Variants in APMAP observed in about 807,000 individuals in gnomAD.
APMAP encodes adipocyte plasma membrane associated protein, also known as adipocyte plasma membrane-associated protein.
Under a neutral mutation model 43.6 loss-of-function variants are expected in APMAP, and 33 were observed. The observed-to-expected ratio is 0.76, with a 90% CI of 0.57 to 1.01. APMAP has a LOEUF of 1.01. Among genes scored for constraint, APMAP ranks in the 50% least tolerant of loss-of-function variants. The pLI, the probability that APMAP is intolerant of heterozygous loss-of-function variation, is 0.00. For synonymous variants in APMAP, 224 were observed against 216.7 expected (o/e 1.03, Z -0.30); for missense variants, 498 against 540.7 (o/e 0.92, Z 0.78).
chr20:24,969,551 C>G lies in APMAP; in HGVS notation c.823G>C (p.Glu275Gln), dbSNP rs1404006232. The G allele has an allele frequency of 1.2e-6, 2 of 1,613,556 alleles. No individual in the cohort carries two copies. The highest frequency in any genetic ancestry group is 1.7e-6 in the Non-Finnish European group (2 of 1,179,556). Residue 275 changes from glutamate to glutamine, a missense_variant, in exon 7 of 9, where the codon GAA (glutamate) becomes CAA (glutamine). Physicochemically the swap from Glu to Gln is conservative, Grantham distance 29. Coordinates refer to ENST00000217456, the MANE Select transcript of APMAP (RefSeq NM_020531.3). ...CTTCGTATCCTGGCCATGGTTGTTT[C>G]TGCCACCAGGACAAAGTCTTCTGCA... ...SPAEDFVLVA[E>Q]TTMARIRRVY...
rs1422892897 is a variant in APMAP at position 24,984,037 on chromosome 20, T to C, written c.96-18A>G. The C allele has an allele frequency of 3.1e-6, 5 of 1,587,832 alleles. No homozygotes were observed. Among genetic ancestry groups the C allele is most frequent in the Non-Finnish European group, 4.3e-6 (5 of 1,156,914 alleles). On this transcript the variant is annotated intron_variant, in intron 1 of 8. Transcript: ENST00000217456. ...TAAAGGAGCTGCCAGAAATAAAAGA[T>C]ACAAAGGCAATCAGCTGAGTCTCAG...
At chr20:24,978,251 C>G (rs1292408730) in intron 3 of APMAP, among the ~76,000 whole-genome samples, 1 of 152,186 alleles carries the variant, frequency 6.6e-6, no homozygotes, top group East Asian at 1.9e-4. Flanking sequence ...TAGAACCAGA[C>G]CCAATTCTAG....
At position 24,964,061 on chromosome 20, in the gene APMAP, G is replaced by T. The variant is rs2087922000; in HGVS notation, c.1042-39C>A. 5 of 1,599,690 alleles carry T rather than the reference G, an allele frequency of 3.1e-6. 1 individual carries two copies. The East Asian group carries it at 1.1e-4, about 36-fold the overall frequency. On this transcript the variant is annotated intron_variant, in intron 8 of 8. Transcript: ENST00000217456. ...CAGTGCAGGGAAAGTTCACCAGCTG[G>T]CCAAGAACACTGTGCGCAGATCAAC...
rs774016612 is a variant in APMAP at position 24,969,008 on chromosome 20, G to A, written c.925C>T (p.Arg309Trp). 1.7e-5 allele frequency: 27 copies of A among 1,613,742 alleles called. No individual in the cohort carries two copies. The highest frequency in any genetic ancestry group is 2.0e-5 in the Non-Finnish European group (24 of 1,179,912). The stretch of plus-strand genomic sequence containing the variant: ...CAGTACCCCCCAGAGCTGCTGGGCC[G>A]GATGTTGTCTGGAAATCCAGGCATG... ...ENMPGFPDNI[R>W]PSSSGGYWVG... The change falls in exon 8 of 9, where the codon CGG becomes TGG. Residue 309 changes from arginine to tryptophan, a missense_variant. Physicochemically the swap from Arg to Trp is moderately radical, Grantham distance 101. Transcript: ENST00000217456.
Position 24,969,048 on chromosome 20 carries a change from A to G in APMAP, c.885T>C (p.Asp295=). 1 of 1,613,432 alleles carries G rather than the reference A, an allele frequency of 6.2e-7. No individual in the cohort carries two copies. The highest frequency in any genetic ancestry group is 1.1e-5 in the South Asian group (1 of 90,952). ...ATCCAGGCATGTTCTCCACAAACAG[A>G]TCAGCCCCGCCCTTCATCAGGCCAG... ...YVSGLMKGGA[D]LFVENMPGFP... is the part of the protein sequence containing the mutation. Residue 295 remains aspartate, a synonymous_variant, in exon 8 of 9, where the codon GAT becomes GAC. Coordinates refer to ENST00000217456, the MANE Select transcript of APMAP (RefSeq NM_020531.3).
Position 24,963,825 on chromosome 20 carries a change from G to C in APMAP, c.1239C>G (p.Leu413=). 6.2e-7 allele frequency: 1 copy of C among 1,614,186 alleles called. No individual in the cohort carries two copies. Among genetic ancestry groups the C allele is most frequent in the Non-Finnish European group, 8.5e-7 (1 of 1,180,014 alleles). Residue 413 remains leucine (L), a synonymous_variant, in exon 9 of 9, where the codon CTC becomes CTG. Coordinates refer to ENST00000217456, the MANE Select transcript of APMAP (RefSeq NM_020531.3). The part of the protein sequence containing the change: ...FRSPFLCRLS[L]QAV ...CTATCTGGGAGGGCTAAACAGCCTG[G>C]AGGCTGAGTCTGCAGAGGAAGGGGG... is the stretch of plus-strand genomic sequence containing the variant.
chr20:24,988,249 G>A (rs1016368900), intron 1 of APMAP, among the ~76,000 whole-genome samples: 1 of 152,110 alleles, frequency 6.6e-6, no homozygotes, highest in Non-Finnish European at 1.5e-5. Context: ...TTCTACCTAA[G>A]GCAGATTTTC....
chr20:24,964,098 C>T lies in APMAP; in HGVS notation c.1042-76G>A, dbSNP rs999296095. 18 of 1,462,772 alleles carry T rather than the reference C, an allele frequency of 1.2e-5. 1 individual carries two copies. The African/African-American group carries it at 2.5e-4, about 20-fold the overall frequency. 90.6% of individuals were successfully genotyped at this position (1,462,772 alleles called of 1,614,324 possible). A position where few individuals can be genotyped will look rare whatever the true frequency, so the allele number is the denominator to read the frequency against. On this transcript the variant is annotated intron_variant, in intron 8 of 8. Coordinates refer to ENST00000217456, the MANE Select transcript of APMAP (RefSeq NM_020531.3). ...GTGCGCAGATCAACCGTGCCGCCCC[C>T]ACCATCCAGGAACGGTCTGACTCCT...
At chr20:24,992,357 G>GC (rs1482520572) in intron 1 of APMAP, among the ~76,000 whole-genome samples, 7 of 152,218 alleles carry the variant, frequency 4.6e-5, no homozygotes, top group Admixed American at 2.6e-4. Flanking sequence ...CGAGGACAAC[G>GC]CGGCGACTGG....
chr20:24,966,201 G>A (rs1229911650), intron 8 of APMAP, among the ~76,000 whole-genome samples: 1 of 152,222 alleles, frequency 6.6e-6, no homozygotes, highest in Non-Finnish European at 1.5e-5. Flanking sequence ...TGAGGAGCTA[G>A]CCCAAGACAA....
At position 24,965,027 on chromosome 20, in the gene APMAP, TCTCA is replaced by T. The variant is rs1334883352; in HGVS notation, c.1042-1009_1042-1006del. ...CTTCCCCCTAAGAGATCTCATCCTC[TCTCA>T]CTATTACAACTAGTCACTTTCCCAG... On this transcript the variant is annotated intron_variant, in intron 8 of 8. Coordinates refer to ENST00000217456, the MANE Select transcript of APMAP (RefSeq NM_020531.3). Among the ~76,000 whole-genome samples the T allele has an allele frequency of 2.0e-5, 3 of 152,284 alleles. No individual in the cohort carries two copies. In the East Asian group the frequency reaches 5.8e-4, roughly 29 times the overall value.
At chr20:24,964,774 A>G (rs2087929462) in intron 8 of APMAP, among the ~76,000 whole-genome samples, 1 of 152,204 alleles carries the variant, frequency 6.6e-6, no homozygotes, top group African/African-American at 2.4e-5. Flanking sequence ...TAACAGACAG[A>G]TTTCTAGCTT....
intron 1 of APMAP, among the ~76,000 whole-genome samples, chr20:24,990,781 G>A (rs186402078): frequency 2.6e-4 from 40 of 152,210 alleles, no homozygotes; most frequent in Middle Eastern, 3.4e-3. Flanking sequence ...AGAAAAATAA[G>A]AAAAACAGCT....
intron 1 of APMAP, among the ~76,000 whole-genome samples, chr20:24,986,247 G>A (rs962392716): frequency 2.0e-5 from 3 of 152,226 alleles, no homozygotes; most frequent in Non-Finnish European, 4.4e-5. Context: ...CACTCATAAG[G>A]GGTTCAGAGC....
At chr20:24,983,375 A>G (rs773956437) in intron 2 of APMAP, among the ~76,000 whole-genome samples, 15 of 152,210 alleles carry the variant, frequency 9.9e-5, no homozygotes, top group Non-Finnish European at 2.1e-4. Context: ...AGATCGTCAC[A>G]CTGATGAGAG....
chr20:24,978,847 T>G lies in APMAP; in HGVS notation c.248A>C (p.His83Pro), dbSNP rs761936268. 6.2e-6 allele frequency: 10 copies of G among 1,612,988 alleles called. No individual in the cohort carries two copies. Among genetic ancestry groups the G allele is most frequent in the Middle Eastern group, 1.6e-4 (1 of 6,076 alleles). Residue 83 changes from histidine to proline, a missense_variant, in exon 3 of 9, where the codon CAT (histidine) becomes CCT (proline). By Grantham distance (77) the His-to-Pro change is moderately conservative (BLOSUM62 -2). Coordinates refer to ENST00000217456, the MANE Select transcript of APMAP (RefSeq NM_020531.3). Reference sequence around the variant, plus strand: ...TGCCTGTCGCAGCTTCGTATTTGGATGCAGAACACCAAGCAAGAGCGGGGG... The same window carrying G: ...TGCCTGTCGCAGCTTCGTATTTGGAGGCAGAACACCAAGCAAGAGCGGGGG... ...KEPPLLLGVL[H>P]PNTKLRQAER...
At chr20:24,969,283 G>C (rs1373927743) in intron 7 of APMAP, among the ~76,000 whole-genome samples, 199 bp from the exon 8 acceptor site, 1 of 152,192 alleles carries the variant, frequency 6.6e-6, no homozygotes, top group Non-Finnish European at 1.5e-5. Flanking sequence ...TAGGTCAGGG[G>C]AGGACCAAGG....
intron 2 of APMAP, among the ~76,000 whole-genome samples, chr20:24,980,462 G>T (rs959446212): frequency 2.0e-5 from 3 of 151,768 alleles, no homozygotes; most frequent in Non-Finnish European, 4.4e-5. Context: ...GGGCAGCATG[G>T]GGTCACCATA....
rs61732126 is a variant in APMAP, at chr20:24,992,677, C to T, written c.12G>A (p.Ala4=). 698 of 1,535,112 alleles carry T rather than the reference C, an allele frequency of 4.5e-4. 4 individuals carry two copies. The African/African-American group carries it at 9.2e-3, about 20-fold the overall frequency. Residue 4 remains alanine, a synonymous_variant, in exon 1 of 9, where the codon GCG becomes GCA. Transcript: ENST00000217456. ...GGGGCCGGCGCTGTCGCAGCCCGTC[C>T]GCCTCGCTCATGGTACGGGCGCCAG... MSE[A]DGLRQRRPLR...
Sources: allele counts gnomAD v4.1 joint callset (sites outside exome capture counted in the v4.1 genomes callset), GRCh38; gene constraint gnomAD v4.1.1; transcripts MANE v1.5; gene names NCBI Gene and HGNC (gene_info 2026-07-23, HGNC 2026-07-21).